Variants in DNAH10 observed in about 807,000 individuals in gnomAD.
The protein encoded by DNAH10 is axonemal beta dynein heavy chain 10.
DNAH10 carries 348 observed loss-of-function variants against 506.6 expected under a neutral mutation model. The ratio of observed to expected loss-of-function variants is 0.69; its 90% CI spans 0.63 to 0.75. DNAH10 has a LOEUF of 0.75. Ranked by LOEUF, DNAH10 falls within the 30% of genes least tolerant of loss-of-function variation. The pLI, the probability that DNAH10 is intolerant of heterozygous loss-of-function variation, is 0.00. For synonymous variants in DNAH10, 2,059 were observed against 2,198.6 expected, an observed-to-expected ratio of 0.94 and a Z score of 1.78; for missense variants, 5,179 against 5,787.1, an observed-to-expected ratio of 0.89 and a Z score of 3.41.
intron 12 of DNAH10, among the ~76,000 whole-genome samples, chr12:123,795,633 C>T (rs1958249040): frequency 6.6e-6 from 1 of 152,190 alleles, no homozygotes; most frequent in Admixed American, 6.5e-5. Context: ...TTAAGATCAG[C>T]TGACTGACAA....
rs532331913 is a variant in DNAH10 at position 123,919,356 on chromosome 12, G to A, written c.11506+407G>A. ...TCCTGAAGTGCTGGGATTACGAGGT[G>A]TGAGCCATCATGCCCAGCTCCGAAT... is the stretch of plus-strand genomic sequence containing the variant. On this transcript the variant is annotated intron_variant, in intron 65 of 78. Coordinates refer to ENST00000673944, the MANE Select transcript of DNAH10 (RefSeq NM_001372106.1). This position sits in a 1 kb window ranked among gnomAD's most constrained non-coding sequence, Gnocchi z 4.9. 6.6e-6 allele frequency among the ~76,000 whole-genome samples: 1 copy of A among 152,302 alleles called. No individual in the cohort carries two copies.
At position 123,821,929 on chromosome 12, in the gene DNAH10, G is replaced by A. The variant is rs1008423591; in HGVS notation, c.4179+1171G>A. Among the ~76,000 whole-genome samples the A allele has an allele frequency of 8.6e-5, 13 of 151,502 alleles. No homozygotes were observed. The East Asian group carries it at 9.7e-4, about 11-fold the overall frequency. ...ACTAAAAAATACAAAAAAAAGTTCC[G>A]GGCACAGTGGCTCACACCTGTAATC... On this transcript the variant is annotated intron_variant, in intron 24 of 78. Coordinates refer to ENST00000673944, the MANE Select transcript of DNAH10 (RefSeq NM_001372106.1).
chr12:123,922,590 C>T (rs999465496), intron 65 of DNAH10, among the ~76,000 whole-genome samples: 5 of 152,122 alleles, frequency 3.3e-5, no homozygotes, highest in African/African-American at 9.7e-5. Context: ...AAAATACCAC[C>T]GACTGGGTGG....
intron 65 of DNAH10, among the ~76,000 whole-genome samples, chr12:123,920,636 G>T (rs925633491): frequency 1.3e-5 from 2 of 152,102 alleles, no homozygotes; most frequent in African/African-American, 4.8e-5. Flanking sequence ...TCATATTCAG[G>T]TTTTCAAATG....
chr12:123,853,474 T>C lies in DNAH10; in HGVS notation c.6438+122T>C. 1 of 1,293,234 alleles carries C rather than the reference T, an allele frequency of 7.7e-7. No individual in the cohort carries two copies. 80.1% of individuals were successfully genotyped at this position (1,293,234 alleles called of 1,614,324 possible). On this transcript the variant is annotated intron_variant, in intron 36 of 78. Coordinates refer to ENST00000673944, the MANE Select transcript of DNAH10 (RefSeq NM_001372106.1). This position sits in a 1 kb window ranked among gnomAD's most constrained non-coding sequence, Gnocchi z 4.7. The stretch of plus-strand genomic sequence containing the variant: ...GAAAGGTTTAAGTCTTAGCTGCCTC[T>C]TCACCCCGCGGTCTGGCCTTACTTT...
intron 11 of DNAH10, among the ~76,000 whole-genome samples, chr12:123,792,926 T>C (rs575561823): frequency 1.6e-4 from 24 of 152,230 alleles, no homozygotes; most frequent in Admixed American, 1.3e-4. Flanking sequence ...CTAAGTAAGG[T>C]TTCATGAGAC....
chr12:123,807,057 C>T (rs1227976780), intron 18 of DNAH10, among the ~76,000 whole-genome samples: 4 of 152,134 alleles, frequency 2.6e-5, no homozygotes, highest in Non-Finnish European at 4.4e-5. Flanking sequence ...CGTGAGCCAC[C>T]GCGCCTGGCC....
At chr12:123,800,702 A>G (rs960424711) in intron 15 of DNAH10, among the ~76,000 whole-genome samples, 3 of 151,986 alleles carry the variant, frequency 2.0e-5, no homozygotes, top group African/African-American at 7.2e-5. Context: ...AAAAGAAGAA[A>G]AAAAAATTGA....
intron 34 of DNAH10, among the ~76,000 whole-genome samples, chr12:123,849,788 G>A (rs552868678): frequency 1.9e-4 from 29 of 152,250 alleles, no homozygotes; most frequent in African/African-American, 6.0e-4. Context: ...TCTCACATGC[G>A]TCCTCCTCAG....
At chr12:123,867,786 CAT>C (rs1951870322) in intron 42 of DNAH10, 115 bp from the exon 43 acceptor site, 2 of 1,329,352 alleles carry the variant, frequency 1.5e-6, no homozygotes, top group Non-Finnish European at 2.1e-6. Flanking sequence ...TCTGAACCAA[CAT>C]GTTGGGTCTT....
chr12:123,902,884 G>A lies in DNAH10; in HGVS notation c.9641-55G>A, dbSNP rs1227210370. 5.9e-6 allele frequency: 9 copies of A among 1,519,820 alleles called. No homozygotes were observed. The highest frequency in any genetic ancestry group is 1.3e-5 in the South Asian group (1 of 79,082). The allele number at this position is 1,519,820 out of a possible 1,614,324, so 94.1% of individuals were successfully genotyped here. A position where few individuals can be genotyped will look rare whatever the true frequency, so the allele number is the denominator to read the frequency against. ...CTGCACTCTGCTCAGAGCCGGGGCC[G>A]CGAGTGCATCTCCTCTGAGCCCAAG... On this transcript the variant is annotated intron_variant, in intron 56 of 78. Transcript: ENST00000673944. The surrounding 1 kb of genome is among the most constrained non-coding windows in gnomAD (Gnocchi z 4.5).
rs1594056088 is a variant in DNAH10, at chr12:123,799,509, A to T, written c.2289+138A>T. The stretch of plus-strand genomic sequence containing the variant: ...AAAGACAAGGAAGGGCTAGGGGAGG[A>T]GGAGAAAGGAAAGAGTGGAGATGGC... On this transcript the variant is annotated intron_variant, in intron 14 of 78. Transcript: ENST00000673944. 4 of 1,232,442 alleles carry T rather than the reference A, an allele frequency of 3.2e-6. No individual in the cohort carries two copies. The East Asian group carries it at 1.0e-4, about 32-fold the overall frequency. The allele number at this position is 1,232,442 out of a possible 1,614,324, so 76.3% of individuals were successfully genotyped here.
chr12:123,886,325 G>A (rs1952724075), intron 51 of DNAH10, among the ~76,000 whole-genome samples: 1 of 152,146 alleles, frequency 6.6e-6, no homozygotes, highest in South Asian at 2.1e-4. Context: ...TGGGTAGTGG[G>A]GTCAGAACAG....
At chr12:123,922,813 G>C (rs1040796288) in intron 65 of DNAH10, 1 of 152,184 alleles carries the variant, frequency 6.6e-6, no homozygotes, top group Admixed American at 6.5e-5. Context: ...CACCAGTGAG[G>C]TTGGACTGGG....
chr12:123,764,113 A>G (rs1956931665), intron 1 of DNAH10, among the ~76,000 whole-genome samples: 1 of 149,422 alleles, frequency 6.7e-6, no homozygotes, highest in South Asian at 2.1e-4. Context: ...TGATCTGCCC[A>G]CCTCGGCCTC....
chr12:123,830,345 A>G (rs951077582), intron 25 of DNAH10, among the ~76,000 whole-genome samples: 1 of 152,160 alleles, frequency 6.6e-6, no homozygotes, highest in Non-Finnish European at 1.5e-5. Context: ...ATTTTGCAAG[A>G]TGTTGTTTTC....
chr12:123,905,718 G>T (rs192238120), intron 57 of DNAH10, among the ~76,000 whole-genome samples: 1 of 151,970 alleles, frequency 6.6e-6, no homozygotes, highest in South Asian at 2.1e-4. Context: ...TTGGGTCGTG[G>T]TTATTGTTGC....
At position 123,924,332 on chromosome 12, in the gene DNAH10, A is replaced by C; in HGVS notation, c.11666A>C (p.Asp3889Ala). Residue 3889 changes from aspartate (D) to alanine (A), a missense_variant, in exon 67 of 79, where the codon GAC becomes GCC. Transcript: ENST00000673944. ...KRKKPCAWLS[D>A]QGWEDIILLS... ...AAAAAGCCCTGCGCTTGGTTGTCTG[A>C]CCAAGGATGGGAAGATATCATTCTT... The C allele has an allele frequency of 6.2e-7, 1 of 1,613,500 alleles. No individual in the cohort carries two copies. Among genetic ancestry groups the C allele is most frequent in the South Asian group, 1.1e-5 (1 of 90,950 alleles).
intron 30 of DNAH10, among the ~76,000 whole-genome samples, chr12:123,843,570 C>CTTATTTAT (rs60298628): frequency 7.1e-4 from 108 of 151,786 alleles, no homozygotes; most frequent in African/African-American, 2.4e-3. Flanking sequence ...GCTTTTCCTA[C>CTTATTTAT]TTATTTATTT....
Sources: gnomAD v4.1 joint callset for allele counts (sites outside exome capture counted in the v4.1 genomes callset) on GRCh38, gnomAD v4.1.1 for gene constraint, Gnocchi (gnomAD v3.1) non-coding constraint, MANE v1.5 for transcripts, NCBI Gene and HGNC (gene_info 2026-07-23, HGNC 2026-07-21) for gene names.